ROCK2: variants seen among roughly 807,000 people sequenced by gnomAD.
ROCK2 encodes the protein rho-associated protein kinase 2.
A neutral mutation model predicts 195.1 loss-of-function variants in ROCK2; 61 were observed. The observed-to-expected ratio is 0.31, with a 90% CI of 0.25 to 0.39. ROCK2 has a LOEUF of 0.39. Among genes scored for constraint, ROCK2 ranks in the 10% least tolerant of loss-of-function variants. The pLI, the probability that ROCK2 is intolerant of heterozygous loss-of-function variation, is 1.00. For missense variants in ROCK2, 1,109 were observed against 1,637.4 expected (o/e 0.68, Z 5.57); for synonymous variants, 504 against 545.5 (o/e 0.92, Z 1.06).
intron 1 of ROCK2, among the ~76,000 whole-genome samples, chr2:11,301,149 T>C (rs1449696309): frequency 6.6e-6 from 1 of 152,178 alleles, no homozygotes; most frequent in Non-Finnish European, 1.5e-5. Context: ...GTAATATTTA[T>C]AACAATCTTA....
intron 1 of ROCK2, among the ~76,000 whole-genome samples, chr2:11,293,534 C>T (rs970581030): frequency 1.3e-5 from 2 of 152,202 alleles, no homozygotes; most frequent in Admixed American, 1.3e-4. Context: ...CCTTGAGCCT[C>T]AGGCTCTAAC....
At chr2:11,245,025 A>G (rs73175673) in intron 4 of ROCK2, among the ~76,000 whole-genome samples, 4,833 of 151,928 alleles carry the variant, frequency 0.032, 280 homozygotes, top group African/African-American at 0.11. Flanking sequence ...ATATTAGTAA[A>G]TCAAATTCAG....
chr2:11,313,653 G>A (rs529308211), intron 1 of ROCK2, among the ~76,000 whole-genome samples: 6 of 151,454 alleles, frequency 4.0e-5, no homozygotes, highest in South Asian at 2.1e-4. Context: ...TTAACTTCTC[G>A]TTTAGTTTTG....
chr2:11,282,339 A>G (rs1457761519), intron 3 of ROCK2, among the ~76,000 whole-genome samples: 1 of 152,154 alleles, frequency 6.6e-6, no homozygotes, highest in East Asian at 1.9e-4. Flanking sequence ...CAACAGAGGA[A>G]GATGCCGTCT....
chr2:11,225,385 T>C (rs868481098), intron 6 of ROCK2, among the ~76,000 whole-genome samples: 2 of 151,920 alleles, frequency 1.3e-5, no homozygotes, highest in African/African-American at 4.8e-5. Context: ...TTTTTGTTTG[T>C]GTTCAAAGAA....
In ROCK2 at chr2:11,336,936, A is replaced by G. The variant is rs1271535756; in HGVS notation, c.141+7060T>C. On this transcript the variant is annotated intron_variant, in intron 1 of 32. Coordinates refer to ENST00000315872, the MANE Select transcript of ROCK2 (RefSeq NM_004850.5). ...GGCAGAAAAGCAACAACCATTAAAA[A>G]TTTTTATTAAAAAAAGAGATATGGG... 2.0e-5 allele frequency among the ~76,000 whole-genome samples: 3 copies of G among 152,198 alleles called. No individual in the cohort carries two copies. In the East Asian group the frequency reaches 5.8e-4, roughly 29 times the overall value.
At chr2:11,248,225 G>C (rs1381739366) in intron 4 of ROCK2, among the ~76,000 whole-genome samples, 2 of 148,830 alleles carry the variant, frequency 1.3e-5, no homozygotes, top group Non-Finnish European at 3.0e-5. Context: ...GGGGGGGGAT[G>C]GGGGGAGGGG....
rs183181868 is a variant in ROCK2, at chr2:11,319,577, T to C, written c.141+24419A>G. ...ACAATTTGACTTCCTCTTTTCCTAA[T>C]TGAATACCCTTTATTTCTTTCTCCT... On this transcript the variant is annotated intron_variant, in intron 1 of 32. Transcript: ENST00000315872. 1.2e-3 allele frequency among the ~76,000 whole-genome samples: 178 copies of C among 152,302 alleles called. 3 individuals carry two copies. Among genetic ancestry groups the C allele is most frequent in the South Asian group, 8.9e-3 (43 of 4,826 alleles).
At chr2:11,211,870 CAA>C in intron 17 of ROCK2, 30 bp from the exon 18 acceptor site, 1 of 1,481,834 alleles carries the variant, frequency 6.7e-7, no homozygotes, top group African/African-American at 1.4e-5. Context: ...CAGCTATCAA[CAA>C]AAAAGAGACT....
intron 1 of ROCK2, 78 bp downstream of exon 1, chr2:11,343,918 C>G: frequency 4.1e-6 from 6 of 1,477,864 alleles, no homozygotes; most frequent in Non-Finnish European, 5.4e-6. Context: ...CACGGGCGGA[C>G]GGGCACGGAG....
rs1260528419 is a variant in ROCK2 at position 11,335,116 on chromosome 2, C to T, written c.141+8880G>A. The stretch of plus-strand genomic sequence containing the variant: ...TAGTTCCCTTTGACTGATACACACA[C>T]ACACACACACACACACACACACACA... On this transcript the variant is annotated intron_variant, in intron 1 of 32. Coordinates refer to ENST00000315872, the MANE Select transcript of ROCK2 (RefSeq NM_004850.5). 6.5e-3 allele frequency among the ~76,000 whole-genome samples: 929 copies of T among 142,672 alleles called. 13 individuals carry two copies. The highest frequency in any genetic ancestry group is 0.023 in the African/African-American group (882 of 38,724). 93.6% of individuals were successfully genotyped at this position (142,672 alleles called of 152,430 possible).
chr2:11,249,632 A>G (rs774244602), intron 4 of ROCK2, 29 bp downstream of exon 4: 10 of 1,432,702 alleles, frequency 7.0e-6, no homozygotes, highest in Non-Finnish European at 9.2e-6. Context: ...AAAAAAAGGA[A>G]ATAAACTTAT....
At chr2:11,317,592 A>C (rs1464061585) in intron 1 of ROCK2, among the ~76,000 whole-genome samples, 3 of 14,076 alleles carry the variant, frequency 2.1e-4, no homozygotes, top group African/African-American at 6.7e-4. Context: ...ATATATATAT[A>C]TATATATATA....
chr2:11,343,338 G>A (rs1669166726), intron 1 of ROCK2, among the ~76,000 whole-genome samples: 1 of 152,130 alleles, frequency 6.6e-6, no homozygotes, highest in Non-Finnish European at 1.5e-5. Context: ...TTCAAAGGTC[G>A]TTATAGGAAA....
chr2:11,198,341 C>T (rs1663715149), intron 25 of ROCK2, 150 bp downstream of exon 25: 2 of 586,158 alleles, frequency 3.4e-6, no homozygotes, highest in South Asian at 2.4e-5. Context: ...TCTAACTTCT[C>T]TCAACCTGGC....
chr2:11,190,276 A>G (rs890284159), intron 32 of ROCK2, among the ~76,000 whole-genome samples: 1 of 152,140 alleles, frequency 6.6e-6, no homozygotes, highest in Non-Finnish European at 1.5e-5. Context: ...TGAGGGAAAG[A>G]AATCCTTACT....
intron 1 of ROCK2, among the ~76,000 whole-genome samples, chr2:11,292,456 A>G (rs1038982087): frequency 2.0e-5 from 3 of 152,236 alleles, no homozygotes; most frequent in African/African-American, 7.2e-5. Context: ...AAATGTGTCC[A>G]AGCCAGAATA....
intron 4 of ROCK2, 137 bp from the exon 5 acceptor site, chr2:11,236,099 T>G: frequency 1.2e-6 from 1 of 808,832 alleles, no homozygotes; most frequent in Non-Finnish European, 1.8e-6. Flanking sequence ...TTATGAGATC[T>G]TTTATTTTAG....
rs529990385 is a variant in ROCK2, at chr2:11,268,605, T to C, written c.324+17934A>G. Among the ~76,000 whole-genome samples, 39 of 151,590 alleles carry C rather than the reference T, an allele frequency of 2.6e-4. No homozygotes were observed. The South Asian group carries it at 7.1e-3, about 28-fold the overall frequency. The stretch of plus-strand genomic sequence containing the variant: ...TTTTCTATCAGCCCTTTGAATATAT[T>C]GGCCCACTGTCTCCTGGCCTCTGAA... On this transcript the variant is annotated intron_variant, in intron 3 of 32. Transcript: ENST00000315872.
Sources: allele counts gnomAD v4.1 joint callset (sites outside exome capture counted in the v4.1 genomes callset), GRCh38; gene constraint gnomAD v4.1.1; transcripts MANE v1.5; gene names NCBI Gene and HGNC (gene_info 2026-07-23, HGNC 2026-07-21).